CSNK2A2IP: variants seen among roughly 807,000 people sequenced by gnomAD.
The protein encoded by CSNK2A2IP is casein kinase II subunit alpha'-interacting protein.
the CSNK2A2IP span, among the ~76,000 whole-genome samples, chr3:88,348,542 T>A: frequency 6.6e-6 from 1 of 152,086 alleles, no homozygotes; most frequent in South Asian, 2.1e-4. Context: ...AATCTAAATG[T>A]CATCTAAGTA....
At chr3:88,452,533 T>C in the CSNK2A2IP span, among the ~76,000 whole-genome samples, 5 of 152,150 alleles carry the variant, frequency 3.3e-5, no homozygotes, top group African/African-American at 4.8e-5. Context: ...GTTTGGCTTC[T>C]GGATGGATTC....
At chr3:88,467,216 C>T in the CSNK2A2IP span, 1 of 401,026 alleles carries the variant, frequency 2.5e-6, no homozygotes, top group Non-Finnish European at 4.4e-6. Context: ...ACTTCCTCCT[C>T]CTCCACCACC....
chr3:88,466,739 CA>C, the CSNK2A2IP span: 6 of 920,682 alleles, frequency 6.5e-6, no homozygotes, highest in African/African-American at 8.6e-5. Flanking sequence ...AGGGGAAGGC[CA>C]AATCCTCATC....
chr3:88,370,646 TTC>T, the CSNK2A2IP span, among the ~76,000 whole-genome samples: 26 of 151,366 alleles, frequency 1.7e-4, no homozygotes, highest in East Asian at 4.9e-3. Context: ...TCTCTCTCTC[TTC>T]TTTCTTTCTT....
At chr3:88,339,453 A>G in the CSNK2A2IP span, among the ~76,000 whole-genome samples, 366 of 152,260 alleles carry the variant, frequency 2.4e-3, 3 homozygotes, top group South Asian at 0.031. Flanking sequence ...ACTGATGAAC[A>G]CATAGGTTGT....
chr3:88,401,004 A>G, the CSNK2A2IP span, among the ~76,000 whole-genome samples: 1 of 152,190 alleles, frequency 6.6e-6, no homozygotes, highest in Non-Finnish European at 1.5e-5. Flanking sequence ...ATGAATTAGT[A>G]TAAATAGGTT....
the CSNK2A2IP span, among the ~76,000 whole-genome samples, chr3:88,411,671 G>C: frequency 6.6e-6 from 1 of 151,748 alleles, no homozygotes; most frequent in African/African-American, 2.4e-5. Flanking sequence ...AAACAACTTA[G>C]ATATGGGTAT....
chr3:88,388,847 A>G, the CSNK2A2IP span, among the ~76,000 whole-genome samples: 4 of 152,120 alleles, frequency 2.6e-5, no homozygotes, highest in African/African-American at 7.2e-5. Flanking sequence ...GCTACTGTCT[A>G]TATTAGATTA....
the CSNK2A2IP span, among the ~76,000 whole-genome samples, chr3:88,341,555 A>C: frequency 6.6e-6 from 1 of 151,888 alleles, no homozygotes; most frequent in Non-Finnish European, 1.5e-5. Context: ...GTTAAACAGT[A>C]AACATTTCTT....
chr3:88,342,822 T>G, the CSNK2A2IP span, among the ~76,000 whole-genome samples: 1 of 151,972 alleles, frequency 6.6e-6, no homozygotes, highest in Non-Finnish European at 1.5e-5. Flanking sequence ...GTGTATTACC[T>G]CTGCTTCCAG....
the CSNK2A2IP span, among the ~76,000 whole-genome samples, chr3:88,389,736 T>C: frequency 1.1e-4 from 16 of 152,120 alleles, no homozygotes; most frequent in African/African-American, 3.9e-4. Context: ...TCTGAATGTA[T>C]TTTAAGGACA....
At chr3:88,381,422 C>T in the CSNK2A2IP span, among the ~76,000 whole-genome samples, 5 of 152,188 alleles carry the variant, frequency 3.3e-5, no homozygotes, top group South Asian at 4.1e-4. Flanking sequence ...CCTGTAGGAA[C>T]GGAATAGTAT....
At chr3:88,342,027 A>C in the CSNK2A2IP span, among the ~76,000 whole-genome samples, 1 of 151,922 alleles carries the variant, frequency 6.6e-6, no homozygotes, top group African/African-American at 2.4e-5. Flanking sequence ...TACTAGTATA[A>C]ATTTTTTTAA....
chr3:88,364,662 T>C, the CSNK2A2IP span, among the ~76,000 whole-genome samples: 1 of 152,170 alleles, frequency 6.6e-6, no homozygotes, highest in Non-Finnish European at 1.5e-5. Flanking sequence ...AACCATACCA[T>C]AGAACAGTTG....
chr3:88,352,225 C>G, the CSNK2A2IP span, among the ~76,000 whole-genome samples: 2 of 151,646 alleles, frequency 1.3e-5, no homozygotes, highest in Non-Finnish European at 2.9e-5. Flanking sequence ...ATCTATCTAC[C>G]TATCTATCTA....
chr3:88,464,037 A>G, the CSNK2A2IP span, among the ~76,000 whole-genome samples: 3 of 151,898 alleles, frequency 2.0e-5, no homozygotes, highest in East Asian at 5.8e-4. Flanking sequence ...GCTGGAAAAC[A>G]TCATTCTCAG....
At chr3:88,453,913 T>C in the CSNK2A2IP span, among the ~76,000 whole-genome samples, 169 of 152,192 alleles carry the variant, frequency 1.1e-3, 1 homozygote, top group East Asian at 0.031. Context: ...ATTTTTTAAG[T>C]CTTTATATGA....
chr3:88,461,927 C>T, the CSNK2A2IP span, among the ~76,000 whole-genome samples: 13 of 151,690 alleles, frequency 8.6e-5, no homozygotes, highest in African/African-American at 3.1e-4. Context: ...TTTGTAGAGA[C>T]AGGATTTTGC....
At chr3:88,360,837 G>T in the CSNK2A2IP span, among the ~76,000 whole-genome samples, 1 of 150,978 alleles carries the variant, frequency 6.6e-6, no homozygotes. Flanking sequence ...TATTTTTAAC[G>T]TTTTCATTGT....
Sources: allele counts gnomAD v4.1 joint callset (sites outside exome capture counted in the v4.1 genomes callset), GRCh38; gene constraint gnomAD v4.1.1; transcripts MANE v1.5; gene names NCBI Gene and HGNC (gene_info 2026-07-23, HGNC 2026-07-21).